Variants in NRP2 observed in about 807,000 individuals in gnomAD.
The protein encoded by NRP2 is neuropilin-2.
A neutral mutation model predicts 110.4 loss-of-function variants in NRP2; 52 were observed. That is an observed-to-expected ratio of 0.47 (90% CI 0.38 to 0.59). NRP2 has a LOEUF of 0.59. NRP2 is among the 20% of genes least tolerant of loss of function. The probability of loss-of-function intolerance (pLI) is 0.00; values close to 1 mark genes in which losing one functional copy is unlikely to be tolerated. For missense variants in NRP2, 1,049 were observed against 1,203.0 expected (o/e 0.87, Z 1.89); for synonymous variants, 508 against 468.9 (o/e 1.08, Z -1.08).
intron 16 of NRP2, among the ~76,000 whole-genome samples, chr2:205,793,257 G>T (rs990446456): frequency 2.6e-5 from 4 of 152,204 alleles, no homozygotes; most frequent in Non-Finnish European, 5.9e-5. Context: ...GAGGCAGAAA[G>T]CCTGATCTCC....
chr2:205,776,219 C>G lies in NRP2; in HGVS notation c.2425+9416C>G, dbSNP rs1445156284. Reference sequence around the variant, plus strand: ...ATTAGTCTGCATGCTCTCAGCCTAGCAACACTCTTCTGTGTCTCTCCACCA... The same window carrying G: ...ATTAGTCTGCATGCTCTCAGCCTAGGAACACTCTTCTGTGTCTCTCCACCA... On this transcript the variant is annotated intron_variant, in intron 15 of 16. Coordinates refer to ENST00000357785, the MANE Select transcript of NRP2 (RefSeq NM_003872.3). The G allele has an allele frequency of 1.9e-6, 3 of 1,600,464 alleles. No individual in the cohort carries two copies. In the East Asian group the frequency reaches 6.7e-5, roughly 36 times the overall value.
intron 11 of NRP2, chr2:205,752,548 T>G: frequency 2.3e-6 from 1 of 433,128 alleles, no homozygotes; most frequent in Non-Finnish European, 4.3e-6. Context: ...CTCTCCGAGG[T>G]GGACAGAAGA....
chr2:205,788,821 G>C (rs978738048), intron 15 of NRP2, among the ~76,000 whole-genome samples: 4 of 152,200 alleles, frequency 2.6e-5, no homozygotes, highest in Admixed American at 2.6e-4. Context: ...CTTGATGGTA[G>C]ACACCTGGTC....
At position 205,727,070 on chromosome 2, in the gene NRP2, C is replaced by A. The variant is rs549105983; in HGVS notation, c.991-821C>A. Among the ~76,000 whole-genome samples, 7 of 152,318 alleles carry A rather than the reference C, an allele frequency of 4.6e-5. 1 individual carries two copies. The South Asian group carries it at 8.3e-4, about 18-fold the overall frequency. ...ATCATATACTTTCGCCTATTGCTAT[C>A]CACCTGTTTCTCATACGTGTAGACA... On this transcript the variant is annotated intron_variant, in intron 6 of 16. Transcript: ENST00000357785.
At chr2:205,770,883 C>T (rs2058011885) in intron 15 of NRP2, among the ~76,000 whole-genome samples, 2 of 152,262 alleles carry the variant, frequency 1.3e-5, no homozygotes, top group South Asian at 4.2e-4. Context: ...CCCCAGGGGA[C>T]ACAGAGGTGT....
At chr2:205,744,499 ACT>A in intron 9 of NRP2, among the ~76,000 whole-genome samples, 1 of 152,182 alleles carries the variant, frequency 6.6e-6, no homozygotes, top group East Asian at 1.9e-4. Flanking sequence ...AGTACAGCTT[ACT>A]CCCCTGCCAC....
rs768043157 is a variant in NRP2, at chr2:205,745,871, G to A, written c.1767G>A (p.Val589=). Residue 589 remains valine (V), a synonymous_variant, in exon 10 of 17, where the codon GTG becomes GTA. Coordinates refer to ENST00000357785, the MANE Select transcript of NRP2 (RefSeq NM_003872.3). ...CGGGGATTGGGATGCGGCTGGAGGT[G>A]CTGGGCTGTGACTGGACAGGTAAGA... ...SPAGIGMRLE[V]LGCDWTDSKP... is the part of the protein sequence containing the mutation. 6.8e-6 allele frequency: 11 copies of A among 1,614,096 alleles called. No homozygotes were observed. The highest frequency in any genetic ancestry group is 9.3e-6 in the Non-Finnish European group (11 of 1,180,036).
intron 15 of NRP2, among the ~76,000 whole-genome samples, chr2:205,771,141 G>A (rs552311937): frequency 8.5e-5 from 13 of 152,248 alleles, no homozygotes; most frequent in African/African-American, 2.2e-4. Flanking sequence ...ATCTGAATTC[G>A]GAGGCATTTA....
intron 2 of NRP2, among the ~76,000 whole-genome samples, chr2:205,704,568 G>T (rs200295222): frequency 1.3e-5 from 2 of 152,180 alleles, no homozygotes; most frequent in East Asian, 3.9e-4. Context: ...TACCAACCTT[G>T]ACCACAGGGT....
At position 205,757,967 on chromosome 2, in the gene NRP2, G is replaced by A. The variant is rs1016594038; in HGVS notation, c.2044+4992G>A. On this transcript the variant is annotated intron_variant, in intron 12 of 16. Coordinates refer to ENST00000357785, the MANE Select transcript of NRP2 (RefSeq NM_003872.3). The stretch of plus-strand genomic sequence containing the variant: ...CAGTGTGTGGATTGATAACGAAGGG[G>A]CAGAATGACAAGACAGCCTCAATGG... Among the ~76,000 whole-genome samples the A allele has an allele frequency of 1.1e-4, 16 of 151,928 alleles. No individual in the cohort carries two copies. In the South Asian group the frequency reaches 3.1e-3, roughly 30 times the overall value.
chr2:205,742,815 C>T (rs2057466991), intron 8 of NRP2, among the ~76,000 whole-genome samples: 1 of 152,164 alleles, frequency 6.6e-6, no homozygotes. Context: ...GCTGTAAGCA[C>T]AAATAGTTAA....
intron 15 of NRP2, among the ~76,000 whole-genome samples, chr2:205,791,442 C>G (rs1470194389): frequency 1.3e-5 from 2 of 152,186 alleles, no homozygotes; most frequent in African/African-American, 4.8e-5. Flanking sequence ...CCATTTTAGA[C>G]AGATAACTTT....
At chr2:205,691,898 C>A (rs1168601551) in intron 1 of NRP2, among the ~76,000 whole-genome samples, 2 of 152,236 alleles carry the variant, frequency 1.3e-5, no homozygotes, top group East Asian at 3.9e-4. Context: ...GAGAGGTAAT[C>A]GCATCAAACT....
Position 205,728,560 on chromosome 2 carries a change from A to G in NRP2, c.1146+514A>G, listed in dbSNP as rs1195401197. Reference sequence around the variant, plus strand: ...GTTGGGGATGGGCTCTGAACTGGCAATCATGCTTAGCGGCGAGGCATTGAA... The same window carrying G: ...GTTGGGGATGGGCTCTGAACTGGCAGTCATGCTTAGCGGCGAGGCATTGAA... On this transcript the variant is annotated intron_variant, in intron 7 of 16. Coordinates refer to ENST00000357785, the MANE Select transcript of NRP2 (RefSeq NM_003872.3). Among the ~76,000 whole-genome samples, 6 of 152,228 alleles carry G rather than the reference A, an allele frequency of 3.9e-5. No individual in the cohort carries two copies. The East Asian group carries it at 1.2e-3, about 29-fold the overall frequency.
intron 3 of NRP2, among the ~76,000 whole-genome samples, chr2:205,718,663 C>T (rs748816476): frequency 4.6e-5 from 7 of 152,148 alleles, no homozygotes; most frequent in South Asian, 2.1e-4. Context: ...TTATATATGC[C>T]GGGCGCAGTG....
Position 205,740,644 on chromosome 2 carries a change from C to T in NRP2, c.1272C>T (p.Leu424=), listed in dbSNP as rs777283692. The T allele has an allele frequency of 3.7e-6, 6 of 1,614,160 alleles. No individual in the cohort carries two copies. The Admixed American group carries it at 6.7e-5, about 18-fold the overall frequency. Residue 424 remains leucine (L), a synonymous_variant, in exon 8 of 17, where the codon CTC becomes CTT. Transcript: ENST00000357785. ...WHSGIALRLE[L]FGCRVTDAPC... ...CAGGTATCGCCCTCCGGCTGGAGCT[C>T]TTCGGCTGCCGGGTCACAGGTGAGG...
rs2105918490 is a variant in NRP2, at chr2:205,763,668, T to C, written c.2045-6T>C. 1 of 1,614,178 alleles carries C rather than the reference T, an allele frequency of 6.2e-7. No individual in the cohort carries two copies. The highest frequency in any genetic ancestry group is 8.5e-7 in the Non-Finnish European group (1 of 1,180,052). ...GAGAACCTCTGTTTGGGTTTGTTTC[T>C]GCCAGATGACAGGAATTTCTTGCGG... On this transcript the variant is annotated splice_region_variant and splice_polypyrimidine_tract_variant and intron_variant, in intron 12 of 16. Coordinates refer to ENST00000357785, the MANE Select transcript of NRP2 (RefSeq NM_003872.3). This position sits in a 1 kb window ranked among gnomAD's most constrained non-coding sequence, Gnocchi z 4.0.
chr2:205,747,107 G>A lies in NRP2; in HGVS notation c.1786+1217G>A, dbSNP rs187200176. Among the ~76,000 whole-genome samples, 95 of 152,300 alleles carry A rather than the reference G, an allele frequency of 6.2e-4. No homozygotes were observed. The South Asian group carries it at 0.013, about 21-fold the overall frequency. Reference sequence around the variant, plus strand: ...TGTGCCCTGGAATCAGGGGCTCAGCGCTGTAGGGGATCCAGGAGCTTGTAA... The same window carrying A: ...TGTGCCCTGGAATCAGGGGCTCAGCACTGTAGGGGATCCAGGAGCTTGTAA... On this transcript the variant is annotated intron_variant, in intron 10 of 16. Coordinates refer to ENST00000357785, the MANE Select transcript of NRP2 (RefSeq NM_003872.3).
At chr2:205,765,452 C>T (rs1451902006) in intron 13 of NRP2, 22 bp from the exon 14 acceptor site, 1 of 1,604,214 alleles carries the variant, frequency 6.2e-7, no homozygotes, top group Non-Finnish European at 8.5e-7. Context: ...TTAACCATGG[C>T]TCTTATTCTT....
Sources: allele counts gnomAD v4.1 joint callset (sites outside exome capture counted in the v4.1 genomes callset), GRCh38; gene constraint gnomAD v4.1.1; non-coding constraint Gnocchi (gnomAD v3.1); transcripts MANE v1.5; gene names NCBI Gene and HGNC (gene_info 2026-07-23, HGNC 2026-07-21).